ATRNL1: variants seen among roughly 807,000 people sequenced by gnomAD.
The protein encoded by ATRNL1 is attractin like 1, also known as attractin-like protein 1.
A neutral mutation model predicts 182.7 loss-of-function variants in ATRNL1; 95 were observed. The observed-to-expected ratio is 0.52, with a 90% confidence interval of 0.44 to 0.62. ATRNL1 has a LOEUF of 0.62. ATRNL1 is among the 20% of genes least tolerant of loss of function. ATRNL1 has a pLI of 0.00. For synonymous variants in ATRNL1, 576 were observed against 568.3 expected (o/e 1.01, Z -0.19); for missense variants, 1,471 against 1,679.5 (o/e 0.88, Z 2.17).
At chr10:115,211,689 G>A (rs1273714933) in intron 8 of ATRNL1, among the ~76,000 whole-genome samples, 1 of 151,304 alleles carries the variant, frequency 6.6e-6, no homozygotes, top group Non-Finnish European at 1.5e-5. Context: ...GTATACATGT[G>A]CCATGTTGGT....
At chr10:115,235,949 C>T (rs1554901284) in intron 9 of ATRNL1, among the ~76,000 whole-genome samples, 1 of 151,274 alleles carries the variant, frequency 6.6e-6, no homozygotes, top group Admixed American at 6.6e-5. Flanking sequence ...TCTTAGTCTC[C>T]CCAGTCTATA....
intron 17 of ATRNL1, among the ~76,000 whole-genome samples, chr10:115,307,304 C>A (rs772708253): frequency 5.9e-5 from 9 of 152,050 alleles, no homozygotes; most frequent in Non-Finnish European, 1.2e-4. Context: ...GCTCTGTCAC[C>A]CAGGCTGGAG....
At chr10:115,190,148 AAC>A (rs1848113230) in intron 8 of ATRNL1, among the ~76,000 whole-genome samples, 2 of 152,116 alleles carry the variant, frequency 1.3e-5, no homozygotes, top group Non-Finnish European at 1.5e-5. Context: ...GAAATTGCCT[AAC>A]AGTGCATTTC....
chr10:115,799,855 A>G (rs1339934118), intron 27 of ATRNL1, among the ~76,000 whole-genome samples: 3 of 152,286 alleles, frequency 2.0e-5, no homozygotes, highest in Non-Finnish European at 4.4e-5. Flanking sequence ...TCTGCCAGCC[A>G]CTTTACAGGC....
At chr10:115,854,515 G>A (rs1951133766) in intron 28 of ATRNL1, among the ~76,000 whole-genome samples, 1 of 152,124 alleles carries the variant, frequency 6.6e-6, no homozygotes, top group African/African-American at 2.4e-5. Flanking sequence ...ACTCACTTAG[G>A]GAAAACTTCT....
At chr10:115,652,397 A>C (rs992934748) in intron 26 of ATRNL1, among the ~76,000 whole-genome samples, 3 of 152,100 alleles carry the variant, frequency 2.0e-5, no homozygotes, top group African/African-American at 7.2e-5. Flanking sequence ...TACCTATAAA[A>C]TTCTTGCACT....
intron 17 of ATRNL1, among the ~76,000 whole-genome samples, chr10:115,313,001 A>G (rs1404859943): frequency 6.6e-6 from 1 of 151,982 alleles, no homozygotes; most frequent in East Asian, 1.9e-4. Context: ...TTTAAAATGT[A>G]TTATTTTGTT....
At chr10:115,645,740 T>G (rs1555032090) in intron 26 of ATRNL1, among the ~76,000 whole-genome samples, 1 of 152,032 alleles carries the variant, frequency 6.6e-6, no homozygotes, top group Non-Finnish European at 1.5e-5. Flanking sequence ...TTAATCTGTT[T>G]GTCTCTGGCA....
chr10:115,411,314 ATACTT>A (rs1240418810), intron 20 of ATRNL1, among the ~76,000 whole-genome samples: 2 of 151,430 alleles, frequency 1.3e-5, no homozygotes, highest in Non-Finnish European at 2.9e-5. Flanking sequence ...TAAATTAAAA[ATACTT>A]TAAAACTTAT....
chr10:115,443,008 T>A (rs1846772432), intron 21 of ATRNL1, among the ~76,000 whole-genome samples: 1 of 152,060 alleles, frequency 6.6e-6, no homozygotes, highest in East Asian at 1.9e-4. Context: ...AATTAAATTT[T>A]TTGTAGTTTT....
At chr10:115,147,156 A>G (rs1047403635) in intron 5 of ATRNL1, among the ~76,000 whole-genome samples, 1 of 152,054 alleles carries the variant, frequency 6.6e-6, no homozygotes, top group Non-Finnish European at 1.5e-5. Context: ...AGTCTTTTTA[A>G]TAATAACCAT....
intron 26 of ATRNL1, among the ~76,000 whole-genome samples, chr10:115,637,596 T>TTTATTA (rs1555028647): frequency 9.2e-5 from 9 of 97,302 alleles, no homozygotes; most frequent in Non-Finnish European, 2.0e-5. Flanking sequence ...CTAAAGTCAA[T>TTTATTA]TTATTACTAT....
intron 8 of ATRNL1, among the ~76,000 whole-genome samples, chr10:115,202,861 C>G (rs546747302): frequency 4.8e-4 from 71 of 147,276 alleles, no homozygotes; most frequent in African/African-American, 1.5e-3. Flanking sequence ...CCATCTGGTC[C>G]TGGACTCTTT....
intron 26 of ATRNL1, among the ~76,000 whole-genome samples, chr10:115,633,054 G>A (rs1555026950): frequency 6.6e-6 from 1 of 151,752 alleles, no homozygotes; most frequent in Non-Finnish European, 1.5e-5. Context: ...TGCCACACCC[G>A]GGTAATTTTT....
In ATRNL1 at chr10:115,660,414, G is replaced by A. The variant is rs74158211; in HGVS notation, c.3796-66834G>A. Among the ~76,000 whole-genome samples the A allele has an allele frequency of 9.8e-3, 1,499 of 152,254 alleles. 18 individuals are homozygous for A. The highest frequency in any genetic ancestry group is 0.034 in the African/African-American group (1,419 of 41,560). ...AGATAAATCTAAGTGGAGGTGTGTA[G>A]TAATTATATAGATAAGTGGGCTTGA... On this transcript the variant is annotated intron_variant, in intron 26 of 28. Transcript: ENST00000355044.
chr10:115,934,501 C>A (rs1409021172), intron 28 of ATRNL1, among the ~76,000 whole-genome samples: 3 of 152,102 alleles, frequency 2.0e-5, no homozygotes, highest in African/African-American at 2.4e-5. Flanking sequence ...CTTTCCCACA[C>A]ACCCTGGCCA....
intron 27 of ATRNL1, among the ~76,000 whole-genome samples, chr10:115,841,417 T>C (rs1339700338): frequency 6.6e-6 from 1 of 151,972 alleles, no homozygotes; most frequent in Admixed American, 6.6e-5. Flanking sequence ...GTGTGTTTAG[T>C]TAGAAACTTT....
At chr10:115,357,436 G>T (rs535829800) in intron 19 of ATRNL1, among the ~76,000 whole-genome samples, 1 of 151,942 alleles carries the variant, frequency 6.6e-6, no homozygotes, top group African/African-American at 2.4e-5. Flanking sequence ...ATACTAATTA[G>T]TGATGGTGGA....
chr10:115,605,695 C>A (rs932414707), intron 26 of ATRNL1, among the ~76,000 whole-genome samples: 1 of 151,898 alleles, frequency 6.6e-6, no homozygotes, highest in Non-Finnish European at 1.5e-5. Flanking sequence ...TAGACATGTG[C>A]CTTTTAGTAT....
Sources: gnomAD v4.1 joint callset for allele counts (sites outside exome capture counted in the v4.1 genomes callset) on GRCh38, gnomAD v4.1.1 for gene constraint, MANE v1.5 for transcripts, NCBI Gene and HGNC (gene_info 2026-07-23, HGNC 2026-07-21) for gene names.